The following ELP1 variants were observed in gnomAD, a reference collection of about 807,000 sequenced individuals.
ELP1 encodes elongator acetyltransferase complex subunit 1.
A neutral mutation model predicts 183.2 loss-of-function variants in ELP1; 131 were observed. That is an observed-to-expected ratio of 0.72 (90% CI 0.62 to 0.83). The LOEUF (loss-of-function observed/expected upper bound fraction) is 0.83, where lower values mean the gene tolerates loss of function less well. Among genes scored for constraint, ELP1 ranks in the 40% least tolerant of loss-of-function variants. The pLI, the probability that ELP1 is intolerant of heterozygous loss-of-function variation, is 0.00. For missense variants in ELP1, 1,550 were observed against 1,594.9 expected (o/e 0.97, Z 0.48); for synonymous variants, 555 against 569.0 (o/e 0.98, Z 0.35).
At chr9:108,927,958 C>T (rs1829872690) in intron 3 of ELP1, among the ~76,000 whole-genome samples, 1 of 152,092 alleles carries the variant, frequency 6.6e-6, no homozygotes, top group Admixed American at 6.6e-5. Flanking sequence ...ATAAATAAGA[C>T]CTGCTATTTG....
chr9:108,912,752 C>CA (rs764644713), intron 10 of ELP1, among the ~76,000 whole-genome samples: 7,386 of 140,826 alleles, frequency 0.052, 289 homozygotes, highest in East Asian at 0.12. Flanking sequence ...TGTTTATTTT[C>CA]GTTTTTTTTT....
chr9:108,932,870 G>A (rs1023372845), intron 1 of ELP1, among the ~76,000 whole-genome samples: 1 of 151,884 alleles, frequency 6.6e-6, no homozygotes, highest in Non-Finnish European at 1.5e-5. Flanking sequence ...CAAACTCTTC[G>A]CAGTTCTTAA....
chr9:108,919,166 T>C (rs1416407108), intron 7 of ELP1, 87 bp downstream of exon 7: 3 of 879,144 alleles, frequency 3.4e-6, no homozygotes, highest in Non-Finnish European at 5.6e-6. Context: ...ATTAATACCC[T>C]ACTCAAAGCA....
intron 6 of ELP1, among the ~76,000 whole-genome samples, chr9:108,919,793 G>GC (rs1165243300): frequency 6.6e-6 from 1 of 152,164 alleles, no homozygotes; most frequent in East Asian, 1.9e-4. Context: ...AGCCACAGAG[G>GC]TGGTAAAGGC....
At chr9:108,929,660 T>C in intron 3 of ELP1, 109 bp downstream of exon 3, 3 of 1,097,514 alleles carry the variant, frequency 2.7e-6, no homozygotes, top group South Asian at 2.7e-5. Context: ...CAAAAATTAA[T>C]TAGCAAAAGT....
chr9:108,893,263 G>C (rs771724868), intron 26 of ELP1, among the ~76,000 whole-genome samples, 180 bp from the exon 27 acceptor site: 2 of 152,206 alleles, frequency 1.3e-5, no homozygotes, highest in Non-Finnish European at 2.9e-5. Context: ...TGCAGATTCT[G>C]AGGCAAGAGC....
At chr9:108,928,216 T>A (rs1262571747) in intron 3 of ELP1, among the ~76,000 whole-genome samples, 22 of 152,110 alleles carry the variant, frequency 1.4e-4, no homozygotes, top group Admixed American at 6.6e-5. Flanking sequence ...AAGAACTTAC[T>A]CAACAAACAT....
intron 29 of ELP1, among the ~76,000 whole-genome samples, chr9:108,883,513 TTGAG>T (rs1169295669): frequency 6.6e-6 from 1 of 151,820 alleles, no homozygotes; most frequent in Admixed American, 6.6e-5. Context: ...TTGATCCACT[TTGAG>T]TGGCCAGCAG....
At position 108,886,483 on chromosome 9, in the gene ELP1, A is replaced by T. The variant is rs527974989; in HGVS notation, c.3222+2849T>A. On this transcript the variant is annotated intron_variant, in intron 29 of 36. Coordinates refer to ENST00000374647, the MANE Select transcript of ELP1 (RefSeq NM_003640.5). Reference sequence around the variant, plus strand: ...AAAAGGGTAATAAATCTATAATACCAAGTGGGGTTGAACCCAGAGATGCAA... The same window carrying T: ...AAAAGGGTAATAAATCTATAATACCTAGTGGGGTTGAACCCAGAGATGCAA... Among the ~76,000 whole-genome samples, 4 of 152,346 alleles carry T rather than the reference A, an allele frequency of 2.6e-5. No homozygotes were observed. The South Asian group carries it at 8.3e-4, about 32-fold the overall frequency.
At chr9:108,899,993 C>T (rs1828705962) in intron 19 of ELP1, 98 bp from the exon 20 acceptor site, 9 of 971,530 alleles carry the variant, frequency 9.3e-6, no homozygotes, top group South Asian at 1.4e-5. Context: ...AGAATTACCA[C>T]AACTCTCTAA....
rs1564203937 is a variant in ELP1, at chr9:108,868,884, T to C, written c.*231A>G. 1 of 605,566 alleles carries C rather than the reference T, an allele frequency of 1.7e-6. No homozygotes were observed. The highest frequency in any genetic ancestry group is 2.0e-5 in the South Asian group (1 of 50,036). 37.5% of individuals were successfully genotyped at this position (605,566 alleles called of 1,614,324 possible). ...TGAAAGAACAATCATTCTCACAAAA[T>C]GGTGCCATAATGGTTAAAGCTTAAT... On this transcript the variant is annotated 3_prime_UTR_variant, in exon 37 of 37. Transcript: ENST00000374647.
intron 25 of ELP1, among the ~76,000 whole-genome samples, 156 bp from the exon 26 acceptor site, chr9:108,894,222 C>A (rs1042074330): frequency 6.6e-6 from 1 of 152,102 alleles, no homozygotes; most frequent in Non-Finnish European, 1.5e-5. Context: ...AATCAAACTA[C>A]AGTTGTCCCC....
At chr9:108,929,038 C>T (rs1385616052) in intron 3 of ELP1, among the ~76,000 whole-genome samples, 1 of 152,178 alleles carries the variant, frequency 6.6e-6, no homozygotes, top group Non-Finnish European at 1.5e-5. Context: ...AATAAATTTG[C>T]ATGAAAAGCA....
intron 20 of ELP1, among the ~76,000 whole-genome samples, chr9:108,899,355 A>G (rs1455463912): frequency 6.6e-6 from 1 of 152,138 alleles, no homozygotes. Context: ...TAAACAAAAC[A>G]TTAGTATAGA....
chr9:108,872,323 C>T (rs118101521), intron 36 of ELP1, among the ~76,000 whole-genome samples: 1 of 152,096 alleles, frequency 6.6e-6, no homozygotes, highest in South Asian at 2.1e-4. Context: ...GCAGTACATA[C>T]TACAGTTAAT....
At position 108,911,676 on chromosome 9, in the gene ELP1, C is replaced by T. The variant is rs1056085537; in HGVS notation, c.1190-496G>A. ...CACCTCACATTACAATCTTAGAAGC[C>T]AGTGCTCCCTTTCATATCAGCAATG... On this transcript the variant is annotated intron_variant, in intron 11 of 36. Transcript: ENST00000374647. Among the ~76,000 whole-genome samples the T allele has an allele frequency of 1.2e-4, 18 of 151,770 alleles. No individual in the cohort carries two copies. The East Asian group carries it at 3.5e-3, about 29-fold the overall frequency.
At chr9:108,892,585 A>C (rs1828383487) in intron 27 of ELP1, among the ~76,000 whole-genome samples, 1 of 152,222 alleles carries the variant, frequency 6.6e-6, no homozygotes. Flanking sequence ...GAGGCTGTTA[A>C]GAGGATCATA....
chr9:108,879,910 T>A, intron 32 of ELP1, 142 bp downstream of exon 32: 1 of 712,256 alleles, frequency 1.4e-6, no homozygotes, highest in Non-Finnish European at 2.5e-6. Flanking sequence ...CAGAGGGCCC[T>A]GAAGGGGCTC....
Position 108,881,779 on chromosome 9 carries a change from C to A in ELP1, c.3286-14G>T, listed in dbSNP as rs780836056. ...ATATTTGTATACCTAGAAGGAAAAA[C>A]ACAATAATTTTAGGAAGGAAAACTT... On this transcript the variant is annotated splice_polypyrimidine_tract_variant and intron_variant, in intron 30 of 36. Transcript: ENST00000374647. 1.4e-6 allele frequency: 2 copies of A among 1,456,076 alleles called. No individual in the cohort carries two copies. The highest frequency in any genetic ancestry group is 1.9e-6 in the Non-Finnish European group (2 of 1,036,892). 90.2% of individuals were successfully genotyped at this position (1,456,076 alleles called of 1,614,324 possible).
Sources: allele counts gnomAD v4.1 joint callset (sites outside exome capture counted in the v4.1 genomes callset), GRCh38; gene constraint gnomAD v4.1.1; transcripts MANE v1.5; gene names NCBI Gene and HGNC (gene_info 2026-07-23, HGNC 2026-07-21).